The following ZNF354C variants were observed in gnomAD, a reference collection of about 807,000 sequenced individuals.
ZNF354C encodes the protein KRAB-zinc finger protein synten.
A neutral mutation model predicts 12.4 loss-of-function variants in ZNF354C; 7 were observed. The ratio of observed to expected loss-of-function variants is 0.56; its 90% CI spans 0.32 to 1.06. The LOEUF (loss-of-function observed/expected upper bound fraction) is 1.06. ZNF354C is among the 50% of genes least tolerant of loss of function. The pLI, the probability that ZNF354C is intolerant of heterozygous loss-of-function variation, is 0.04. For synonymous variants in ZNF354C, 202 were observed against 224.5 expected (o/e 0.90, Z 0.90); for missense variants, 609 against 658.0 (o/e 0.93, Z 0.81).
chr5:179,082,918 C>G lies in ZNF354C; in HGVS notation c.*2821C>G. 1.1e-6 allele frequency: 1 copy of G among 949,542 alleles called. No individual in the cohort carries two copies. The highest frequency in any genetic ancestry group is 1.7e-6 in the Non-Finnish European group (1 of 580,624). The allele number at this position is 949,542 out of a possible 1,614,324, so 58.8% of individuals were successfully genotyped here. On this transcript the variant is annotated 3_prime_UTR_variant, in exon 5 of 5. Coordinates refer to ENST00000315475, the MANE Select transcript of ZNF354C (RefSeq NM_014594.3). The stretch of plus-strand genomic sequence containing the variant: ...CGCTGATGAAGAATCACGGAGAACT[C>G]CACCTCATCTCCTGCCTGGAGCTCA...
Position 179,076,460 on chromosome 5 carries a change from A to G in ZNF354C, c.43A>G (p.Arg15Gly), listed in dbSNP as rs1427444103. Reference protein sequence around the residue: ...LLSAQEPVTFRDVAVFFSQDE... With the variant: ...LLSAQEPVTFGDVAVFFSQDE... ...GCCATTACAGGAGCCTGTGACATTC[A>G]GGGATGTGGCCGTGTTCTTCAGCCA... is the stretch of plus-strand genomic sequence containing the variant. The change falls in exon 3 of 5, where the codon AGG (arginine) becomes GGG (glycine). Residue 15 changes from arginine to glycine, a missense_variant. Transcript: ENST00000315475. 1 of 1,614,038 alleles carries G rather than the reference A, an allele frequency of 6.2e-7. No homozygotes were observed. The highest frequency in any genetic ancestry group is 1.3e-5 in the African/African-American group (1 of 74,898).
intron 2 of ZNF354C, among the ~76,000 whole-genome samples, chr5:179,064,542 G>A (rs541459168): frequency 1.1e-4 from 16 of 151,372 alleles, no homozygotes; most frequent in Non-Finnish European, 1.8e-4. Flanking sequence ...TCAGCCTCCC[G>A]AGTAGCTGGG....
At chr5:179,064,488 T>C (rs1219329138) in intron 2 of ZNF354C, among the ~76,000 whole-genome samples, 17 of 151,586 alleles carry the variant, frequency 1.1e-4, no homozygotes, top group Admixed American at 9.9e-4. Flanking sequence ...GCCATCTCGG[T>C]TCACTGCAAG....
intron 1 of ZNF354C, among the ~76,000 whole-genome samples, chr5:179,061,356 G>A (rs539041721): frequency 6.6e-6 from 1 of 152,306 alleles, no homozygotes; most frequent in East Asian, 1.9e-4. Context: ...GTTTCTGGTT[G>A]TGGGTGCCAT....
intron 2 of ZNF354C, among the ~76,000 whole-genome samples, chr5:179,062,951 C>A (rs948756303): frequency 6.6e-6 from 1 of 152,164 alleles, no homozygotes; most frequent in Non-Finnish European, 1.5e-5. Context: ...TGTCCTCAGG[C>A]CTGACCTTTT....
chr5:179,070,989 C>T (rs1195969513), intron 2 of ZNF354C, among the ~76,000 whole-genome samples: 2 of 151,748 alleles, frequency 1.3e-5, no homozygotes, highest in African/African-American at 4.8e-5. Flanking sequence ...GCTGGGACTA[C>T]AGGCGCCTGC....
Position 179,079,819 on chromosome 5 carries a change from A to C in ZNF354C, c.1387A>C (p.Thr463Pro). The change falls in exon 5 of 5, where the codon ACT becomes CCT. Residue 463 changes from threonine (T) to proline (P), a missense_variant. By Grantham distance (38) the Thr-to-Pro change is conservative. Transcript: ENST00000315475. This position sits in a 1 kb window ranked among gnomAD's most constrained non-coding sequence, Gnocchi z 4.2. The stretch of plus-strand genomic sequence containing the variant: ...CCTTTATAGGCATCAGAGAATTCAT[A>C]CTGGAGAGAAACCGTATCAGTGTAA... ...SNLYRHQRIH[T>P]GEKPYQCNQC... 1 of 1,614,176 alleles carries C rather than the reference A, an allele frequency of 6.2e-7. No homozygotes were observed. The highest frequency in any genetic ancestry group is 8.5e-7 in the Non-Finnish European group (1 of 1,180,012).
chr5:179,076,559 C>T lies in ZNF354C; in HGVS notation c.142C>T (p.Leu48=). The change falls in exon 3 of 5, where the codon CTG becomes TTG. Residue 48 remains leucine, a synonymous_variant. Coordinates refer to ENST00000315475, the MANE Select transcript of ZNF354C (RefSeq NM_014594.3). ...GGTGATGCTGGAGAACTACAGCAGC[C>T]TGGTCTCACTGGGTAAGAATTTTTG... ...REVMLENYSS[L]VSLGIPFSMP... 6.2e-7 allele frequency: 1 copy of T among 1,613,920 alleles called. No homozygotes were observed. The highest frequency in any genetic ancestry group is 8.5e-7 in the Non-Finnish European group (1 of 1,179,970).
intron 2 of ZNF354C, among the ~76,000 whole-genome samples, chr5:179,069,729 G>A (rs1265974908): frequency 4.7e-5 from 7 of 150,310 alleles, no homozygotes; most frequent in African/African-American, 9.8e-5. Flanking sequence ...AGCCGGGCGC[G>A]GTGGCGGGCG....
In ZNF354C at chr5:179,079,064, C is replaced by T. The variant is rs1762175945; in HGVS notation, c.632C>T (p.Pro211Leu). The change falls in exon 5 of 5, where the codon CCA (proline) becomes CTA (leucine). Residue 211 changes from proline (P) to leucine (L), a missense_variant. Pro to Leu is a moderately conservative substitution (Grantham distance 98). Transcript: ENST00000315475. The surrounding 1 kb of genome is among the most constrained non-coding windows in gnomAD (Gnocchi z 4.2). ...FDLMKCFQIYPGGKPHICNEC... is the reference protein window; with the variant it reads ...FDLMKCFQIYLGGKPHICNEC... Reference sequence around the variant, plus strand: ...CTCATGAAATGCTTCCAGATTTACCCAGGAGGAAAACCTCACATCTGTAAT... The same window carrying T: ...CTCATGAAATGCTTCCAGATTTACCTAGGAGGAAAACCTCACATCTGTAAT... 3 of 1,613,504 alleles carry T rather than the reference C, an allele frequency of 1.9e-6. No individual in the cohort carries two copies. The highest frequency in any genetic ancestry group is 2.2e-5 in the South Asian group (2 of 91,004).
intron 2 of ZNF354C, 143 bp from the exon 3 acceptor site, chr5:179,076,301 TG>T: frequency 8.4e-7 from 1 of 1,185,104 alleles, no homozygotes; most frequent in Non-Finnish European, 1.2e-6. Context: ...AAATAGCTAA[TG>T]GGTGGTTCCA....
rs912051074 is a variant in ZNF354C, at chr5:179,080,452, G to A, written c.*355G>A. Reference sequence around the variant, plus strand: ...ATATGTGAATTTTCTTTTAAAAACAGTCACTGAGTTAATAATGTAAATAAG... The same window carrying A: ...ATATGTGAATTTTCTTTTAAAAACAATCACTGAGTTAATAATGTAAATAAG... On this transcript the variant is annotated 3_prime_UTR_variant, in exon 5 of 5. Transcript: ENST00000315475. 1 of 155,768 alleles carries A rather than the reference G, an allele frequency of 6.4e-6. No homozygotes were observed. The highest frequency in any genetic ancestry group is 2.4e-5 in the African/African-American group (1 of 41,520). The allele number at this position is 155,768 out of a possible 1,614,324, so 9.6% of individuals were successfully genotyped here. A position where few individuals can be genotyped will look rare whatever the true frequency, so the allele number is the denominator to read the frequency against.
intron 2 of ZNF354C, among the ~76,000 whole-genome samples, chr5:179,070,660 T>G (rs1226449961): frequency 2.6e-5 from 4 of 152,220 alleles, no homozygotes. Flanking sequence ...AACTTCACAT[T>G]TCTTATAATC....
rs79815615 is a variant in ZNF354C at position 179,083,350 on chromosome 5, C to T, written c.*3253C>T. 111 of 161,288 alleles carry T rather than the reference C, an allele frequency of 6.9e-4. 1 individual carries two copies. The East Asian group carries it at 0.018, about 26-fold the overall frequency. 10.0% of individuals were successfully genotyped at this position (161,288 alleles called of 1,614,324 possible). A position where few individuals can be genotyped will look rare whatever the true frequency, so the allele number is the denominator to read the frequency against. On this transcript the variant is annotated 3_prime_UTR_variant, in exon 5 of 5. Transcript: ENST00000315475. ...TGTTCTAATTCTTAGGAGATGCATG[C>T]AGAAGTTTTTTTTTTAAGTTTTGAA...
intron 2 of ZNF354C, among the ~76,000 whole-genome samples, chr5:179,068,528 T>A (rs572836340): frequency 6.6e-6 from 1 of 152,362 alleles, no homozygotes; most frequent in Non-Finnish European, 1.5e-5. Context: ...TTTAGACATT[T>A]TTTTCTGAAG....
At chr5:179,067,664 A>G (rs925386065) in intron 2 of ZNF354C, among the ~76,000 whole-genome samples, 6 of 152,224 alleles carry the variant, frequency 3.9e-5, no homozygotes, top group Non-Finnish European at 8.8e-5. Context: ...CCTGGCCAAC[A>G]TGGCAAAACT....
At chr5:179,069,836 A>C (rs1462492631) in intron 2 of ZNF354C, among the ~76,000 whole-genome samples, 1 of 152,228 alleles carries the variant, frequency 6.6e-6, no homozygotes, top group African/African-American at 2.4e-5. Context: ...CCTGCACTCC[A>C]GCCTGGGCGA....
At position 179,083,091 on chromosome 5, in the gene ZNF354C, C is replaced by G. The variant is rs1762251045; in HGVS notation, c.*2994C>G. 6.2e-6 allele frequency: 4 copies of G among 642,532 alleles called. 1 individual carries two copies. In the South Asian group the frequency reaches 1.0e-4, roughly 16 times the overall value. The allele number at this position is 642,532 out of a possible 1,614,324, so 39.8% of individuals were successfully genotyped here. On this transcript the variant is annotated 3_prime_UTR_variant, in exon 5 of 5. Coordinates refer to ENST00000315475, the MANE Select transcript of ZNF354C (RefSeq NM_014594.3). ...AAGCCATAGTTTGTGCATTTTGGCC[C>G]TGGTCTGGACTTTTCAAAAAGCAAA... is the stretch of plus-strand genomic sequence containing the variant.
intron 1 of ZNF354C, 110 bp from the exon 2 acceptor site, chr5:179,061,905 C>CG (rs1761899243): frequency 8.0e-6 from 6 of 750,114 alleles, no homozygotes; most frequent in South Asian, 4.5e-5. Context: ...TACATCATTA[C>CG]GGGGGGTGGC....
Sources: allele counts gnomAD v4.1 joint callset (sites outside exome capture counted in the v4.1 genomes callset), GRCh38; gene constraint gnomAD v4.1.1; non-coding constraint Gnocchi (gnomAD v3.1); transcripts MANE v1.5; gene names NCBI Gene and HGNC (gene_info 2026-07-23, HGNC 2026-07-21).